DNAH10: variants seen among roughly 807,000 people sequenced by gnomAD.
The protein encoded by DNAH10 is axonemal beta dynein heavy chain 10.
A neutral mutation model predicts 506.6 loss-of-function variants in DNAH10; 348 were observed. The observed-to-expected ratio is 0.69, with a 90% CI of 0.63 to 0.75. The LOEUF (loss-of-function observed/expected upper bound fraction) is 0.75, where lower values mean the gene tolerates loss of function less well. Among genes scored for constraint, DNAH10 ranks in the 30% least tolerant of loss-of-function variants. DNAH10 has a pLI of 0.00. For missense variants in DNAH10, 5,179 were observed against 5,787.1 expected (o/e 0.89, Z 3.41); for synonymous variants, 2,059 against 2,198.6 (o/e 0.94, Z 1.78).
rs533298167 is a variant in DNAH10 at position 123,929,588 on chromosome 12, G to A, written c.12517-76G>A. 1.3e-5 allele frequency: 20 copies of A among 1,572,718 alleles called. No individual in the cohort carries two copies. In the South Asian group the frequency reaches 2.2e-4, roughly 17 times the overall value. On this transcript the variant is annotated intron_variant, in intron 71 of 78. Transcript: ENST00000673944. ...CAGCAGGGTTGCACCGTTCCCAGCA[G>A]CCTTTTCAGAAAAGTATCAGAATGT...
intron 10 of DNAH10, among the ~76,000 whole-genome samples, chr12:123,788,447 A>G (rs1957946590): frequency 6.6e-6 from 1 of 152,142 alleles, no homozygotes; most frequent in Non-Finnish European, 1.5e-5. Flanking sequence ...TGTCTCCTAA[A>G]GGTTCACCCA....
chr12:123,789,690 A>G (rs1000601543), intron 10 of DNAH10, among the ~76,000 whole-genome samples: 1 of 152,146 alleles, frequency 6.6e-6, no homozygotes, highest in African/African-American at 2.4e-5. Context: ...GCAGAAAGGG[A>G]CATGGCCTTG....
In DNAH10 at chr12:123,907,245, G is replaced by A. The variant is rs1264852165; in HGVS notation, c.9816-2016G>A. Among the ~76,000 whole-genome samples, 1 of 152,256 alleles carries A rather than the reference G, an allele frequency of 6.6e-6. No individual in the cohort carries two copies. The highest frequency in any genetic ancestry group is 1.9e-4 in the East Asian group (1 of 5,202). ...GGAGGGCGGAGGGGGCACCTTCTCT[G>A]AGATTGCAAGGAGCTCGGCTGGAGA... is the stretch of plus-strand genomic sequence containing the variant. On this transcript the variant is annotated intron_variant, in intron 57 of 78. Transcript: ENST00000673944. The surrounding 1 kb of genome is among the most constrained non-coding windows in gnomAD (Gnocchi z 4.4).
intron 73 of DNAH10, among the ~76,000 whole-genome samples, chr12:123,931,076 G>A (rs181856160): frequency 6.6e-6 from 1 of 152,216 alleles, no homozygotes; most frequent in East Asian, 1.9e-4. Flanking sequence ...TTAGCTGAGT[G>A]TGGTGGTGAA....
At chr12:123,782,077 A>G (rs1010920762) in intron 6 of DNAH10, among the ~76,000 whole-genome samples, 2 of 151,796 alleles carry the variant, frequency 1.3e-5, no homozygotes, top group East Asian at 1.9e-4. Context: ...TCTATTTCTT[A>G]TCTTTTCTCT....
At chr12:123,914,212 C>A in intron 60 of DNAH10, 117 bp from the exon 61 acceptor site, 1 of 893,226 alleles carries the variant, frequency 1.1e-6, no homozygotes, top group Non-Finnish European at 1.7e-6. Flanking sequence ...TATCTCAAAA[C>A]ATGTTTCCAT....
chr12:123,881,604 T>C (rs1362190052), intron 50 of DNAH10, 21 bp from the exon 51 acceptor site: 8 of 55,422 alleles, frequency 1.4e-4, no homozygotes, highest in Non-Finnish European at 2.9e-4. Flanking sequence ...TTTTGAATTC[T>C]TTTTTTTTTT....
intron 67 of DNAH10, 105 bp downstream of exon 67, chr12:123,924,537 C>T: frequency 7.1e-7 from 1 of 1,411,946 alleles, no homozygotes; most frequent in African/African-American, 1.4e-5. Flanking sequence ...CTTTGAGTAA[C>T]CCATTCAGTG....
At chr12:123,837,621 A>G (rs938204386) in intron 28 of DNAH10, among the ~76,000 whole-genome samples, 2 of 151,264 alleles carry the variant, frequency 1.3e-5, no homozygotes, top group African/African-American at 4.9e-5. Context: ...TTGTTGCCCA[A>G]GCTGGAGTGC....
Position 123,929,328 on chromosome 12 carries a change from C to T in DNAH10, c.12360C>T (p.Phe4120=), listed in dbSNP as rs745971072. The T allele has an allele frequency of 7.0e-5, 113 of 1,607,514 alleles. No individual in the cohort carries two copies. Among genetic ancestry groups the T allele is most frequent in the Non-Finnish European group, 9.6e-5 (113 of 1,177,060 alleles). Residue 4120 remains phenylalanine, a synonymous_variant, in exon 71 of 79, where the codon TTC becomes TTT. Coordinates refer to ENST00000673944, the MANE Select transcript of DNAH10 (RefSeq NM_001372106.1). ...AACTCAACATGAGGGCAACTTACTT[C>T]AAGATCTCTCACGAAATGCTGGACC... is the stretch of plus-strand genomic sequence containing the variant. ...GLKLNMRATY[F]KISHEMLDQC...
chr12:123,847,889 A>G, intron 32 of DNAH10, 72 bp from the exon 33 acceptor site: 3 of 1,531,468 alleles, frequency 2.0e-6, no homozygotes, highest in Non-Finnish European at 2.6e-6. Flanking sequence ...AGTCACAGTG[A>G]TGAATTTGGA....
In DNAH10 at chr12:123,845,883, G is replaced by A. The variant is rs539600083; in HGVS notation, c.5630+14G>A. 1.8e-5 allele frequency: 29 copies of A among 1,613,220 alleles called. No individual in the cohort carries two copies. The East Asian group carries it at 2.5e-4, about 14-fold the overall frequency. On this transcript the variant is annotated intron_variant, in intron 31 of 78. Coordinates refer to ENST00000673944, the MANE Select transcript of DNAH10 (RefSeq NM_001372106.1). ...CATAAGAGGCAGGTGAGCATTTTCC[G>A]GGGTCACTGGCATTTCAAAAGGGAC...
rs1305262386 is a variant in DNAH10, at chr12:123,845,773, C to T, written c.5534C>T (p.Thr1845Ile). 1 of 1,613,990 alleles carries T rather than the reference C, an allele frequency of 6.2e-7. No homozygotes were observed. The highest frequency in any genetic ancestry group is 1.7e-5 in the Admixed American group (1 of 60,026). The stretch of plus-strand genomic sequence containing the variant: ...ATCGATGAGTTGGTAACGCGCATCA[C>T]CATGCCGCTAAGCAAAAACGACAGG... ...RQIDELVTRI[T>I]MPLSKNDRKK... The change falls in exon 31 of 79, where the codon ACC (threonine) becomes ATC (isoleucine). Residue 1845 changes from threonine (T) to isoleucine (I), a missense_variant. Around this residue, in one of 3 missense-constraint regions of DNAH10, gnomAD observed 4,844 missense variants for 5,430.5 expected, o/e 0.89. Transcript: ENST00000673944.
intron 56 of DNAH10, 91 bp downstream of exon 56, chr12:123,898,905 G>GT: frequency 6.9e-7 from 1 of 1,442,330 alleles, no homozygotes; most frequent in South Asian, 1.5e-5. Context: ...CCCATCCCGA[G>GT]CAGGACAGGG....
chr12:123,932,749 T>A (rs1955278066), intron 76 of DNAH10: 1 of 152,562 alleles, frequency 6.6e-6, no homozygotes, highest in African/African-American at 2.4e-5. Flanking sequence ...TAATATCTCA[T>A]TGTTTTGCAT....
intron 60 of DNAH10, among the ~76,000 whole-genome samples, 179 bp from the exon 61 acceptor site, chr12:123,914,150 G>A (rs1304787571): frequency 2.0e-5 from 3 of 152,222 alleles, no homozygotes; most frequent in South Asian, 2.1e-4. Flanking sequence ...GGTTCACTAG[G>A]GTGGGAAGTT....
At chr12:123,814,928 A>G (rs948612988) in intron 21 of DNAH10, among the ~76,000 whole-genome samples, 1 of 152,154 alleles carries the variant, frequency 6.6e-6, no homozygotes, top group Non-Finnish European at 1.5e-5. Flanking sequence ...AGCCAGGTAG[A>G]TTTTTGTCAG....
chr12:123,928,208 T>G lies in DNAH10; in HGVS notation c.12106-179T>G, dbSNP rs1955031267. The G allele has an allele frequency of 4.3e-6, 3 of 692,118 alleles. No homozygotes were observed. Among genetic ancestry groups the G allele is most frequent in the Non-Finnish European group, 2.4e-6 (1 of 419,788 alleles). The allele number at this position is 692,118 out of a possible 1,614,324, so 42.9% of individuals were successfully genotyped here. ...CAGCTCAGTGCACCCACGGGGCCCA[T>G]GGGGTTTCTCAAAGATGGTTTATTT... On this transcript the variant is annotated intron_variant, in intron 69 of 78. Transcript: ENST00000673944. This position sits in a 1 kb window ranked among gnomAD's most constrained non-coding sequence, Gnocchi z 4.9.
rs780499397 is a variant in DNAH10 at position 123,783,092 on chromosome 12, C to T, written c.842-15C>T. On this transcript the variant is annotated splice_polypyrimidine_tract_variant and intron_variant, in intron 6 of 78. Coordinates refer to ENST00000673944, the MANE Select transcript of DNAH10 (RefSeq NM_001372106.1). The stretch of plus-strand genomic sequence containing the variant: ...TCCTGAACGAATGACTGACTGATCA[C>T]TTTTATTTTCCTAGGTGAGATCAAG... 11 of 1,613,230 alleles carry T rather than the reference C, an allele frequency of 6.8e-6. No individual in the cohort carries two copies. In the East Asian group the frequency reaches 2.0e-4, roughly 29 times the overall value.
Sources: allele counts gnomAD v4.1 joint callset (sites outside exome capture counted in the v4.1 genomes callset), GRCh38; gene constraint gnomAD v4.1.1; regional missense constraint gnomAD v4.1.1; non-coding constraint Gnocchi (gnomAD v3.1); transcripts MANE v1.5; gene names NCBI Gene and HGNC (gene_info 2026-07-23, HGNC 2026-07-21).